Variants in ZNF112 observed in about 807,000 individuals in gnomAD.
The protein encoded by ZNF112 is zinc finger protein 112 (Y14).
A neutral mutation model predicts 77.7 loss-of-function variants in ZNF112; 37 were observed. The observed-to-expected ratio is 0.48, with a 90% CI of 0.37 to 0.63. The LOEUF (loss-of-function observed/expected upper bound fraction) is 0.63, where lower values mean the gene tolerates loss of function less well. Among genes scored for constraint, ZNF112 ranks in the 20% least tolerant of loss-of-function variants. The pLI is 0.00. For missense variants in ZNF112, 950 were observed against 1,077.4 expected (o/e 0.88, Z 1.66); for synonymous variants, 333 against 363.6 (o/e 0.92, Z 0.96).
At chr19:44,342,167 T>C (rs1970501370) in intron 1 of ZNF112, among the ~76,000 whole-genome samples, 1 of 152,180 alleles carries the variant, frequency 6.6e-6, no homozygotes, top group Non-Finnish European at 1.5e-5. Context: ...ACATGAATAA[T>C]GAAACACACA....
Position 44,328,352 on chromosome 19 carries a change from G to A in ZNF112, c.1805C>T (p.Pro602Leu), listed in dbSNP as rs770901660. The A allele has an allele frequency of 5.6e-6, 9 of 1,613,738 alleles. No individual in the cohort carries two copies. The highest frequency in any genetic ancestry group is 1.1e-5 in the South Asian group (1 of 91,050). The stretch of plus-strand genomic sequence containing the variant: ...CTTCCCACACTCCTCACACTTGTAT[G>A]GTTTTTCTCCAGTGTGAACTCTCTG... ...GHQRVHTGEK[P>L]YKCEECGKGF... Residue 602 changes from proline to leucine, a missense_variant, in exon 4 of 4, where the codon CCA becomes CTA. By Grantham distance (98) the Pro-to-Leu change is moderately conservative (BLOSUM62 -3). This residue lies in a region of ZNF112 where 373 missense variants were observed against 482.8 expected (regional missense o/e 0.77). Coordinates refer to ENST00000354340, the MANE Select transcript of ZNF112 (RefSeq NM_013380.4).
In ZNF112 at chr19:44,327,295, A is replaced by T; in HGVS notation, c.*138T>A. The T allele has an allele frequency of 1.5e-6, 1 of 676,688 alleles. No individual in the cohort carries two copies. Among genetic ancestry groups the T allele is most frequent in the Non-Finnish European group, 2.4e-6 (1 of 410,284 alleles). 41.9% of individuals were successfully genotyped at this position (676,688 alleles called of 1,614,324 possible). A position where few individuals can be genotyped will look rare whatever the true frequency, so the allele number is the denominator to read the frequency against. On this transcript the variant is annotated 3_prime_UTR_variant, in exon 4 of 4. Transcript: ENST00000354340. ...AATCCCTCGTGAAACCCCTCTCATT[A>T]AATGTCTCTGTTGTGTGGTCTCCTG...
At chr19:44,367,026 G>C in intron 1 of ZNF112, 3 of 454,848 alleles carry the variant, frequency 6.6e-6, no homozygotes, top group South Asian at 4.7e-5. Flanking sequence ...CAAAATACAA[G>C]AGATCCTCAA....
chr19:44,333,496 C>T (rs1312012509), intron 3 of ZNF112, among the ~76,000 whole-genome samples: 3 of 152,108 alleles, frequency 2.0e-5, no homozygotes, highest in Admixed American at 6.5e-5. Context: ...TTGTAATTCC[C>T]AGTGTTGGAG....
intron 1 of ZNF112, among the ~76,000 whole-genome samples, chr19:44,351,639 TA>T (rs1970693863): frequency 1.3e-5 from 2 of 152,048 alleles, no homozygotes; most frequent in African/African-American, 4.8e-5. Flanking sequence ...ACCTAAATAA[TA>T]GTACTGATAT....
rs1343905734 is a variant in ZNF112 at position 44,337,489 on chromosome 19, A to G, written c.125-771T>C. On this transcript the variant is annotated intron_variant, in intron 2 of 3. Coordinates refer to ENST00000354340, the MANE Select transcript of ZNF112 (RefSeq NM_013380.4). ...TTATTTTACCTTATTTCTTACATGA[A>G]TTGTAGTATACTATTAATATTCTTT... Among the ~76,000 whole-genome samples the G allele has an allele frequency of 5.1e-5, 7 of 136,384 alleles. 2 individuals are homozygous for G. The Admixed American group carries it at 5.9e-4, about 11-fold the overall frequency. The allele number at this position is 136,384 out of a possible 152,430, so 89.5% of individuals were successfully genotyped here.
At chr19:44,364,948 T>C (rs536919922) in intron 1 of ZNF112, among the ~76,000 whole-genome samples, 1 of 152,314 alleles carries the variant, frequency 6.6e-6, no homozygotes, top group East Asian at 1.9e-4. Flanking sequence ...TTATAATTTC[T>C]TTGTCTTGTT....
intron 1 of ZNF112, among the ~76,000 whole-genome samples, chr19:44,352,058 G>A (rs904815762): frequency 7.2e-5 from 11 of 152,008 alleles, no homozygotes; most frequent in Admixed American, 1.3e-4. Context: ...GAGTGAACCA[G>A]GGGTTTCCTG....
intron 2 of ZNF112, among the ~76,000 whole-genome samples, chr19:44,337,558 C>G (rs995433804): frequency 6.8e-6 from 1 of 147,152 alleles, no homozygotes; most frequent in Admixed American, 7.1e-5. Flanking sequence ...AATGGGTTGC[C>G]GGGGAAGGGT....
chr19:44,336,823 T>A (rs1489008972), intron 2 of ZNF112, 105 bp from the exon 3 acceptor site: 15 of 833,768 alleles, frequency 1.8e-5, no homozygotes, highest in Admixed American at 6.1e-5. Context: ...CTCTCCCACA[T>A]CCCTTCCACC....
intron 1 of ZNF112, among the ~76,000 whole-genome samples, chr19:44,354,694 T>A (rs920664683): frequency 6.6e-6 from 1 of 152,196 alleles, no homozygotes; most frequent in African/African-American, 2.4e-5. Flanking sequence ...AACAACCTTG[T>A]ACGATGTGCT....
chr19:44,359,803 T>C (rs1970837075), upstream of ZNF112, among the ~76,000 whole-genome samples: 1 of 152,180 alleles, frequency 6.6e-6, no homozygotes, highest in African/African-American at 2.4e-5. Context: ...CATTGAAATT[T>C]GGTGTCATCA....
chr19:44,328,000 T>TA lies in ZNF112; in HGVS notation c.2156dup (p.Cys720MetfsTer20). 1 of 1,613,514 alleles carries TA rather than the reference T, an allele frequency of 6.2e-7. No homozygotes were observed. The highest frequency in any genetic ancestry group is 8.5e-7 in the Non-Finnish European group (1 of 1,179,844). On this transcript the variant is annotated frameshift_variant, in exon 4 of 4. Transcript: ENST00000354340. LOFTEE classifies it high-confidence loss of function. Reference sequence around the variant, plus strand: ...CTCTCTGACTGAAGCCCTTTCCACATACCTCACATATATATGGTCTTTCTC... The same window carrying TA: ...CTCTCTGACTGAAGCCCTTTCCACATAACCTCACATATATATGGTCTTTCTC...
chr19:44,352,969 TA>T (rs1970719644), intron 1 of ZNF112, among the ~76,000 whole-genome samples: 1 of 152,016 alleles, frequency 6.6e-6, no homozygotes, highest in South Asian at 2.1e-4. Flanking sequence ...TTGGTAGATA[TA>T]AATAAGCTGA....
chr19:44,365,808 T>G (rs1421585096), intron 1 of ZNF112, among the ~76,000 whole-genome samples: 1 of 152,184 alleles, frequency 6.6e-6, no homozygotes, highest in African/African-American at 2.4e-5. Context: ...TTTGTTGATT[T>G]TTAAAGATTG....
intron 2 of ZNF112, among the ~76,000 whole-genome samples, chr19:44,339,343 A>G (rs1970446227): frequency 6.6e-6 from 1 of 152,180 alleles, no homozygotes; most frequent in Non-Finnish European, 1.5e-5. Context: ...CCAGATAGTT[A>G]AACAATGTGA....
At chr19:44,354,348 G>A (rs1242109789) in intron 1 of ZNF112, among the ~76,000 whole-genome samples, 1 of 152,136 alleles carries the variant, frequency 6.6e-6, no homozygotes, top group East Asian at 1.9e-4. Flanking sequence ...TAACAAAATA[G>A]TCAATGTCAC....
At chr19:44,365,345 C>T (rs1334458177) in intron 1 of ZNF112, among the ~76,000 whole-genome samples, 2 of 152,038 alleles carry the variant, frequency 1.3e-5, no homozygotes, top group African/African-American at 4.8e-5. Flanking sequence ...GTTCCAGCTA[C>T]TCAGGAGGCT....
intron 1 of ZNF112, among the ~76,000 whole-genome samples, chr19:44,342,237 C>A (rs1970503434): frequency 1.3e-5 from 2 of 150,844 alleles, no homozygotes; most frequent in African/African-American, 4.8e-5. Context: ...GAATCTAGCT[C>A]TTCTTATATA....
Sources: gnomAD v4.1 joint callset for allele counts (sites outside exome capture counted in the v4.1 genomes callset) on GRCh38, gnomAD v4.1.1 for gene constraint, gnomAD v4.1.1 regional missense constraint, MANE v1.5 for transcripts, NCBI Gene and HGNC (gene_info 2026-07-23, HGNC 2026-07-21) for gene names.